Variants in ZSCAN4 observed in about 807,000 individuals in gnomAD.
The protein encoded by ZSCAN4 is zinc finger and SCAN domain-containing protein 4.
ZSCAN4 carries 18 observed loss-of-function variants against 18.3 expected under a neutral mutation model. The observed-to-expected ratio is 0.98, with a 90% CI of 0.68 to 1.46. The LOEUF is 1.46. ZSCAN4 is among the 40% of genes most tolerant of loss of function. The probability of loss-of-function intolerance (pLI) is 0.00; values close to 1 mark genes in which losing one functional copy is unlikely to be tolerated. For missense variants in ZSCAN4, 498 were observed against 511.4 expected, an observed-to-expected ratio of 0.97 and a Z score of 0.25; for synonymous variants, 193 against 180.3, an observed-to-expected ratio of 1.07 and a Z score of -0.57.
chr19:57,668,150 C>T (rs1210967069), upstream of ZSCAN4, among the ~76,000 whole-genome samples: 5 of 152,092 alleles, frequency 3.3e-5, no homozygotes, highest in Non-Finnish European at 7.4e-5. Flanking sequence ...GTGATCCACC[C>T]GCCTCGGCCT....
At chr19:57,652,959 C>T in the ZSCAN4 span, among the ~76,000 whole-genome samples, 2 of 152,124 alleles carry the variant, frequency 1.3e-5, no homozygotes, top group Admixed American at 6.6e-5. Flanking sequence ...TGGACAGCTG[C>T]TCAGGCTCAC....
At chr19:57,670,657 T>C (rs1021422804) in intron 2 of ZSCAN4, 90 bp downstream of exon 2, 2 of 152,208 alleles carry the variant, frequency 1.3e-5, no homozygotes, top group Admixed American at 1.3e-4. Flanking sequence ...TTTGTGTCTT[T>C]GAGTGTGTAT....
intron 2 of ZSCAN4, among the ~76,000 whole-genome samples, chr19:57,672,037 A>G (rs567918114): frequency 6.6e-6 from 1 of 152,330 alleles, no homozygotes; most frequent in South Asian, 2.1e-4. Context: ...ATATATTAAC[A>G]GAAAAGGGAT....
At chr19:57,653,931 C>T in the ZSCAN4 span, among the ~76,000 whole-genome samples, 6 of 152,184 alleles carry the variant, frequency 3.9e-5, no homozygotes, top group Admixed American at 3.9e-4. Flanking sequence ...CATTCCAGAT[C>T]CCAGTCTGGC....
chr19:57,658,775 A>G, the ZSCAN4 span, among the ~76,000 whole-genome samples: 1 of 148,480 alleles, frequency 6.7e-6, no homozygotes, highest in African/African-American at 2.5e-5. Context: ...CAGAAGTTGC[A>G]GTGTACCAAT....
At chr19:57,651,653 A>G in the ZSCAN4 span, among the ~76,000 whole-genome samples, 2 of 152,196 alleles carry the variant, frequency 1.3e-5, no homozygotes, top group African/African-American at 2.4e-5. Context: ...TCAGTTCTGA[A>G]ACCCGGGACG....
At chr19:57,655,265 C>T in the ZSCAN4 span, among the ~76,000 whole-genome samples, 2 of 152,172 alleles carry the variant, frequency 1.3e-5, no homozygotes, top group African/African-American at 2.4e-5. Context: ...CACGTGGGCC[C>T]ATCCTAGAAC....
At chr19:57,654,544 A>T in the ZSCAN4 span, among the ~76,000 whole-genome samples, 2 of 152,078 alleles carry the variant, frequency 1.3e-5, no homozygotes, top group African/African-American at 4.8e-5. Flanking sequence ...TGCAAGCCCA[A>T]ATTCTCAAGC....
intron 2 of ZSCAN4, among the ~76,000 whole-genome samples, chr19:57,671,227 C>T (rs1392027606): frequency 1.3e-5 from 2 of 151,866 alleles, no homozygotes; most frequent in Admixed American, 1.3e-4. Flanking sequence ...ATCATAAAGC[C>T]CAGGATACAG....
the ZSCAN4 span, among the ~76,000 whole-genome samples, chr19:57,663,534 A>ATAAAAT: frequency 6.9e-4 from 101 of 147,308 alleles, 1 homozygote; most frequent in African/African-American, 2.4e-3. Flanking sequence ...AAAAAAAAAA[A>ATAAAAT]AAAAAAAAAA....
the ZSCAN4 span, among the ~76,000 whole-genome samples, chr19:57,661,732 T>C: frequency 6.6e-6 from 1 of 152,312 alleles, no homozygotes; most frequent in East Asian, 1.9e-4. Context: ...TAAATACAAG[T>C]CTGTGAATAT....
In ZSCAN4 at chr19:57,678,495, T is replaced by TA. The variant is rs1984261352; in HGVS notation, c.892_893insA (p.Cys298Ter). 1.2e-6 allele frequency: 2 copies of TA among 1,614,034 alleles called. No individual in the cohort carries two copies. The highest frequency in any genetic ancestry group is 2.2e-5 in the South Asian group (2 of 91,084). The change falls in exon 5 of 5, where the codon TGT (cysteine) becomes TAGT (stop). Residue 298 changes from cysteine to a stop codon, truncating the protein, a stop_gained and frameshift_variant. Transcript: ENST00000318203. LOFTEE classifies it low-confidence loss of function (END_TRUNC). ...CCAGAGCAATGAGGGAAATTCCACATGTGAGGTACATCAGAAAGGATCCCA... is the reference window on the plus strand; with the variant it reads ...CCAGAGCAATGAGGGAAATTCCACATAGTGAGGTACATCAGAAAGGATCCCA...
intron 3 of ZSCAN4, among the ~76,000 whole-genome samples, chr19:57,677,583 T>G (rs1984225535): frequency 6.6e-6 from 1 of 152,176 alleles, no homozygotes; most frequent in South Asian, 2.1e-4. Flanking sequence ...ATAATATATA[T>G]TAAATGGGGT....
At chr19:57,653,606 C>A in the ZSCAN4 span, among the ~76,000 whole-genome samples, 1 of 152,062 alleles carries the variant, frequency 6.6e-6, no homozygotes, top group African/African-American at 2.4e-5. Flanking sequence ...TCAAAGTGGC[C>A]TTCAAAGTCT....
the ZSCAN4 span, among the ~76,000 whole-genome samples, chr19:57,654,651 C>G: frequency 6.6e-6 from 1 of 152,050 alleles, no homozygotes; most frequent in Non-Finnish European, 1.5e-5. Context: ...GCAGTGGTGC[C>G]CATCCATCTG....
At chr19:57,660,805 A>G in the ZSCAN4 span, among the ~76,000 whole-genome samples, 1 of 151,972 alleles carries the variant, frequency 6.6e-6, no homozygotes, top group African/African-American at 2.4e-5. Context: ...GTTTAAGTGG[A>G]TTTTTAGCAA....
the ZSCAN4 span, among the ~76,000 whole-genome samples, chr19:57,651,577 C>G: frequency 6.6e-6 from 1 of 152,200 alleles, no homozygotes; most frequent in Non-Finnish European, 1.5e-5. Context: ...GTCTACAGGC[C>G]TTTGTTCAAT....
upstream of ZSCAN4, chr19:57,664,669 T>C: frequency 4.6e-6 from 1 of 217,062 alleles, no homozygotes; most frequent in Non-Finnish European, 9.9e-6. Context: ...AGAATTCCAA[T>C]TTCCCCCTAA....
chr19:57,666,537 C>A (rs75477883), upstream of ZSCAN4, among the ~76,000 whole-genome samples: 3,241 of 140,664 alleles, frequency 0.023, 133 homozygotes, highest in African/African-American at 0.08. Context: ...AACCAAAAAT[C>A]AATAAATAAT....
Sources: allele counts gnomAD v4.1 joint callset (sites outside exome capture counted in the v4.1 genomes callset), GRCh38; gene constraint gnomAD v4.1.1; transcripts MANE v1.5; gene names NCBI Gene and HGNC (gene_info 2026-07-23, HGNC 2026-07-21).